Variants in PTPRD observed in about 807,000 individuals in gnomAD.
The protein encoded by PTPRD is receptor-type tyrosine-protein phosphatase delta.
In PTPRD, 34 loss-of-function variants were observed where a neutral mutation model predicts 214.5. That is an observed-to-expected ratio of 0.16 (90% CI 0.12 to 0.21). The LOEUF (loss-of-function observed/expected upper bound fraction) is 0.21. Ranked by LOEUF, PTPRD falls within the 10% of genes least tolerant of loss-of-function variation. PTPRD has a pLI of 1.00. For synonymous variants in PTPRD, 1,128 were observed against 845.7 expected, an observed-to-expected ratio of 1.33 and a Z score of -5.79; for missense variants, 2,545 against 2,398.7, an observed-to-expected ratio of 1.06 and a Z score of -1.27.
At chr9:9,900,964 T>C (rs1008904933) in intron 5 of PTPRD, among the ~76,000 whole-genome samples, 4 of 152,184 alleles carry the variant, frequency 2.6e-5, no homozygotes, top group Non-Finnish European at 4.4e-5. Context: ...CCATTTTGCA[T>C]TGTTACAAGG....
At chr9:9,934,886 G>C (rs374093027) in intron 5 of PTPRD, among the ~76,000 whole-genome samples, 1 of 152,112 alleles carries the variant, frequency 6.6e-6, no homozygotes, top group Non-Finnish European at 1.5e-5. Flanking sequence ...CCATGATCAA[G>C]AGGGCTTCAT....
intron 4 of PTPRD, among the ~76,000 whole-genome samples, chr9:9,962,718 C>G (rs1252715733): frequency 2.6e-5 from 4 of 152,028 alleles, no homozygotes; most frequent in Non-Finnish European, 4.4e-5. Flanking sequence ...ATCTTATCAC[C>G]TCATATGAAG....
chr9:10,188,258 A>T (rs533643620), intron 3 of PTPRD, among the ~76,000 whole-genome samples: 3 of 152,244 alleles, frequency 2.0e-5, no homozygotes, highest in Admixed American at 1.3e-4. Context: ...TAATTGATTA[A>T]TTGGAAATTA....
At chr9:9,716,585 T>G (rs2097838212) in intron 7 of PTPRD, among the ~76,000 whole-genome samples, 1 of 152,226 alleles carries the variant, frequency 6.6e-6, no homozygotes, top group Admixed American at 6.5e-5. Flanking sequence ...GGTTTTGATT[T>G]GCATTTCTCT....
intron 4 of PTPRD, among the ~76,000 whole-genome samples, chr9:10,025,656 T>TA (rs944244523): frequency 6.6e-6 from 1 of 152,246 alleles, no homozygotes; most frequent in South Asian, 2.1e-4. Flanking sequence ...AGAAACTTTT[T>TA]AAAAAATTAG....
At position 10,049,442 on chromosome 9, in the gene PTPRD, A is replaced by AAGAAAGAAAGAAAGAAAAG. The variant is rs1242275018; in HGVS notation, c.-544-15653_-544-15652insCTTTTCTTTCTTTCTTTCT. ...AAGAAAGAAAGAAAGAAAGAAAAGAAAAAAAAAAACCCTTCTATATGTGTG... is the reference window on the plus strand; with the variant it reads ...AAGAAAGAAAGAAAGAAAGAAAAGAAAGAAAGAAAGAAAGAAAAGAAAAAAAAACCCTTCTATATGTGTG... On this transcript the variant is annotated intron_variant, in intron 3 of 45. Transcript: ENST00000381196. Among the ~76,000 whole-genome samples, 21 of 82,266 alleles carry AAGAAAGAAAGAAAGAAAAG rather than the reference A, an allele frequency of 2.6e-4. No individual in the cohort carries two copies. The East Asian group carries it at 9.3e-3, about 36-fold the overall frequency. The allele number at this position is 82,266 out of a possible 152,430, so 54.0% of individuals were successfully genotyped here.
chr9:10,594,334 G>C (rs2076168030), intron 2 of PTPRD, among the ~76,000 whole-genome samples: 1 of 151,828 alleles, frequency 6.6e-6, no homozygotes, highest in Non-Finnish European at 1.5e-5. Flanking sequence ...ACTGACACTA[G>C]AAGTGCCCTT....
At chr9:10,192,015 A>G (rs1391239223) in intron 3 of PTPRD, among the ~76,000 whole-genome samples, 1 of 152,116 alleles carries the variant, frequency 6.6e-6, no homozygotes, top group African/African-American at 2.4e-5. Context: ...TTTGTTGGTA[A>G]TCAAATGAAT....
chr9:8,699,860 G>T (rs1294468946), intron 12 of PTPRD, among the ~76,000 whole-genome samples: 2 of 151,890 alleles, frequency 1.3e-5, no homozygotes, highest in South Asian at 2.1e-4. Flanking sequence ...AGAAAGCCTA[G>T]CAAGAGTTTC....
At chr9:8,688,402 T>C (rs1286301281) in intron 12 of PTPRD, among the ~76,000 whole-genome samples, 2 of 151,734 alleles carry the variant, frequency 1.3e-5, no homozygotes, top group Admixed American at 6.6e-5. Context: ...CCGTCTCTAC[T>C]AAAAATACCA....
chr9:10,424,991 G>C (rs1169394344), intron 2 of PTPRD, among the ~76,000 whole-genome samples: 1 of 151,950 alleles, frequency 6.6e-6, no homozygotes, highest in Non-Finnish European at 1.5e-5. Context: ...CAAAGGCAAT[G>C]CAAATTGTGC....
intron 2 of PTPRD, among the ~76,000 whole-genome samples, chr9:10,412,548 C>T (rs777386634): frequency 1.3e-5 from 2 of 151,600 alleles, no homozygotes; most frequent in Non-Finnish European, 2.9e-5. Context: ...AGGCTGGACA[C>T]TTCCCCAGCT....
chr9:10,572,374 A>G (rs889750821), intron 2 of PTPRD, among the ~76,000 whole-genome samples: 1 of 152,200 alleles, frequency 6.6e-6, no homozygotes, highest in Non-Finnish European at 1.5e-5. Flanking sequence ...GTTTAAACAA[A>G]AAGTGCAGTA....
At chr9:10,339,707 AAGTCCTGTT>A (rs1283054570) in intron 3 of PTPRD, among the ~76,000 whole-genome samples, 2 of 151,634 alleles carry the variant, frequency 1.3e-5, no homozygotes, top group East Asian at 3.9e-4. Flanking sequence ...GTGTGGGGAG[AAGTCCTGTT>A]ATCTTTAAGA....
At chr9:8,846,805 T>C (rs2097706360) in intron 11 of PTPRD, among the ~76,000 whole-genome samples, 2 of 152,068 alleles carry the variant, frequency 1.3e-5, no homozygotes, top group South Asian at 4.2e-4. Flanking sequence ...GGAAAGGACA[T>C]CAAAGGCCAG....
At chr9:8,833,014 A>G (rs1465035061) in intron 11 of PTPRD, among the ~76,000 whole-genome samples, 2 of 151,622 alleles carry the variant, frequency 1.3e-5, no homozygotes, top group Non-Finnish European at 2.9e-5. Flanking sequence ...TTTGCAGATG[A>G]AAAAAAAATC....
chr9:8,949,370 CT>C (rs1396738722), intron 11 of PTPRD, among the ~76,000 whole-genome samples: 4 of 151,828 alleles, frequency 2.6e-5, no homozygotes, highest in African/African-American at 9.7e-5. Flanking sequence ...CTAAAAATAA[CT>C]TCCTTTCACT....
chr9:9,426,872 A>G (rs546989592), intron 8 of PTPRD, among the ~76,000 whole-genome samples: 3 of 152,190 alleles, frequency 2.0e-5, no homozygotes, highest in South Asian at 2.1e-4. Context: ...AAACTAACAA[A>G]CAGAAAGGGC....
chr9:9,551,845 G>T (rs536511198), intron 8 of PTPRD, among the ~76,000 whole-genome samples: 3 of 152,008 alleles, frequency 2.0e-5, no homozygotes, highest in Admixed American at 2.0e-4. Context: ...GATACTGTAA[G>T]TTGCTCCCCA....
Sources: gnomAD v4.1 joint callset for allele counts (sites outside exome capture counted in the v4.1 genomes callset) on GRCh38, gnomAD v4.1.1 for gene constraint, MANE v1.5 for transcripts, NCBI Gene and HGNC (gene_info 2026-07-23, HGNC 2026-07-21) for gene names.